The following VAV2 variants were observed in gnomAD, a reference collection of about 807,000 sequenced individuals.
VAV2 encodes guanine nucleotide exchange factor VAV2.
In VAV2, 67 loss-of-function variants were observed where a neutral mutation model predicts 132.5. The observed-to-expected ratio is 0.51, with a 90% CI of 0.42 to 0.62. VAV2 has a LOEUF of 0.62. Among genes scored for constraint, VAV2 ranks in the 20% least tolerant of loss-of-function variants. The pLI is 0.00. For missense variants in VAV2, 938 were observed against 1,153.6 expected (o/e 0.81, Z 2.71); for synonymous variants, 492 against 443.5 (o/e 1.11, Z -1.37).
intron 17 of VAV2, 79 bp from the exon 18 acceptor site, chr9:133,784,497 C>T: frequency 9.3e-6 from 14 of 1,501,636 alleles, no homozygotes; most frequent in Non-Finnish European, 1.2e-5. Context: ...TGGGAACCAG[C>T]TGGGCTCCGG....
chr9:133,788,340 C>T lies in VAV2; in HGVS notation c.1407+14G>A, dbSNP rs1367111340. 1 of 1,598,180 alleles carries T rather than the reference C, an allele frequency of 6.3e-7. No homozygotes were observed. Among genetic ancestry groups the T allele is most frequent in the Admixed American group, 1.7e-5 (1 of 59,778 alleles). On this transcript the variant is annotated intron_variant, in intron 15 of 29. Transcript: ENST00000371850. This position sits in a 1 kb window ranked among gnomAD's most constrained non-coding sequence, Gnocchi z 5.3. ...CACGTTCCTGGGTAGCAGGGGGGAC[C>T]CGGAAGGCCCCACCTTCTTGACGTC...
At chr9:133,790,759 G>A (rs540237203) in intron 13 of VAV2, among the ~76,000 whole-genome samples, 6 of 152,044 alleles carry the variant, frequency 3.9e-5, no homozygotes, top group East Asian at 1.9e-4. Flanking sequence ...CATCGCCGAC[G>A]TATCGCAGGT....
Position 133,961,380 on chromosome 9 carries a change from C to T in VAV2, c.205-22161G>A, listed in dbSNP as rs1841960443. On this transcript the variant is annotated intron_variant, in intron 1 of 29. Transcript: ENST00000371850. This position sits in a 1 kb window ranked among gnomAD's most constrained non-coding sequence, Gnocchi z 4.1. ...GGAATGAGCAACGTGCAGTTTTGCACCCAGAAACTGGTCAGGCTTCTGATG... is the reference window on the plus strand; with the variant it reads ...GGAATGAGCAACGTGCAGTTTTGCATCCAGAAACTGGTCAGGCTTCTGATG... 6.6e-6 allele frequency among the ~76,000 whole-genome samples: 1 copy of T among 152,192 alleles called. No individual in the cohort carries two copies. The highest frequency in any genetic ancestry group is 2.4e-5 in the African/African-American group (1 of 41,440).
chr9:133,974,539 C>T (rs1028167958), intron 1 of VAV2, among the ~76,000 whole-genome samples: 1 of 152,142 alleles, frequency 6.6e-6, no homozygotes, highest in Non-Finnish European at 1.5e-5. Flanking sequence ...CACATCCACC[C>T]GGGGGACGGG....
chr9:133,866,667 G>A (rs1318358911), intron 2 of VAV2, among the ~76,000 whole-genome samples: 2 of 152,100 alleles, frequency 1.3e-5, no homozygotes, highest in African/African-American at 2.4e-5. Context: ...TTAGCCGGGC[G>A]TGGTGGCACA....
At chr9:133,809,279 G>A (rs1835272772) in intron 6 of VAV2, 141 bp from the exon 7 acceptor site, 1 of 643,052 alleles carries the variant, frequency 1.6e-6, no homozygotes, top group Non-Finnish European at 2.7e-6. Context: ...GTGCAGTGCT[G>A]CAGCCAGATG....
chr9:133,818,253 C>G (rs1835645147), intron 4 of VAV2, among the ~76,000 whole-genome samples: 1 of 151,770 alleles, frequency 6.6e-6, no homozygotes, highest in South Asian at 2.1e-4. Flanking sequence ...GAAGTCCCAG[C>G]TACTCAAGAG....
In VAV2 at chr9:133,774,826, T is replaced by C. The variant is rs1005010972; in HGVS notation, c.2135+109A>G. 5 of 963,430 alleles carry C rather than the reference T, an allele frequency of 5.2e-6. No individual in the cohort carries two copies. In the East Asian group the frequency reaches 1.2e-4, roughly 23 times the overall value. 59.7% of individuals were successfully genotyped at this position (963,430 alleles called of 1,614,324 possible). ...AATAATGTCCTCACTTGGCAACAGA[T>C]GACATGTCCACCCCAACCCCACGAG... On this transcript the variant is annotated intron_variant, in intron 25 of 29. Coordinates refer to ENST00000371850, the MANE Select transcript of VAV2 (RefSeq NM_001134398.2).
chr9:133,841,035 T>C (rs1836701399), intron 3 of VAV2, among the ~76,000 whole-genome samples: 1 of 151,996 alleles, frequency 6.6e-6, no homozygotes, highest in Non-Finnish European at 1.5e-5. Context: ...GGCAGCCAGA[T>C]TTGGTTTTTA....
At chr9:133,843,571 C>T (rs964886464) in intron 3 of VAV2, among the ~76,000 whole-genome samples, 10 of 152,248 alleles carry the variant, frequency 6.6e-5, no homozygotes, top group African/African-American at 2.4e-4. Flanking sequence ...TAGCTACAGG[C>T]TTGCTAAGGG....
At chr9:133,943,988 A>G (rs907133264) in intron 1 of VAV2, among the ~76,000 whole-genome samples, 9 of 152,170 alleles carry the variant, frequency 5.9e-5, no homozygotes, top group Non-Finnish European at 1.3e-4. Context: ...CACAGACAGG[A>G]GAGGCGGCGC....
intron 3 of VAV2, among the ~76,000 whole-genome samples, chr9:133,854,255 G>A (rs1350870473): frequency 6.9e-6 from 1 of 145,918 alleles, no homozygotes; most frequent in Admixed American, 6.8e-5. Flanking sequence ...GCACTCATCT[G>A]CACACACACA....
At position 133,807,323 on chromosome 9, in the gene VAV2, AG is replaced by A; in HGVS notation, c.669del (p.Tyr224ThrfsTer2). 1 of 1,608,852 alleles carries A rather than the reference AG, an allele frequency of 6.2e-7. No individual in the cohort carries two copies. Among genetic ancestry groups the A allele is most frequent in the Non-Finnish European group, 8.5e-7 (1 of 1,178,214 alleles). The part of the protein sequence containing the change: ...YYRTLEDIEK[N>X]YMSPLRLVLS... ...AGCACCAGCCGCAGGGGGCTCATGT[AG>A]TTCTGGAAGAGAGAAGTCCACCTCT... On this transcript the variant is annotated frameshift_variant and splice_region_variant, in exon 8 of 30. Coordinates refer to ENST00000371850, the MANE Select transcript of VAV2 (RefSeq NM_001134398.2). LOFTEE classifies it high-confidence loss of function.
chr9:133,903,078 GAAA>G (rs61131449), intron 2 of VAV2, among the ~76,000 whole-genome samples: 15 of 105,348 alleles, frequency 1.4e-4, no homozygotes, highest in Non-Finnish European at 2.2e-4. Flanking sequence ...CCTGCCCCAG[GAAA>G]AAAAAAAAAA....
chr9:133,792,929 A>G lies in VAV2; in HGVS notation c.1102-1060T>C, dbSNP rs372473364. Among the ~76,000 whole-genome samples, 33 of 152,082 alleles carry G rather than the reference A, an allele frequency of 2.2e-4. No homozygotes were observed. The East Asian group carries it at 6.2e-3, about 29-fold the overall frequency. On this transcript the variant is annotated intron_variant, in intron 12 of 29. Coordinates refer to ENST00000371850, the MANE Select transcript of VAV2 (RefSeq NM_001134398.2). Reference sequence around the variant, plus strand: ...TACCCCATCACGTGGTCCCTCTTAAACATCCTAATAGAGGGAAGCAGCCCT... The same window carrying G: ...TACCCCATCACGTGGTCCCTCTTAAGCATCCTAATAGAGGGAAGCAGCCCT...
At chr9:133,812,297 G>A (rs560200611) in intron 4 of VAV2, 81 bp from the exon 5 acceptor site, 24 of 1,406,080 alleles carry the variant, frequency 1.7e-5, no homozygotes, top group African/African-American at 7.1e-5. Context: ...GAGGGTCCAC[G>A]AGGGACGCAG....
At chr9:133,974,168 ACTGCCTGTGTGGTAT>A (rs1842431054) in intron 1 of VAV2, among the ~76,000 whole-genome samples, 1 of 150,858 alleles carries the variant, frequency 6.6e-6, no homozygotes, top group East Asian at 2.0e-4. Flanking sequence ...CTCCCTCCAC[ACTGCCTGTGTGGTAT>A]CTGCCTGTGT....
intron 1 of VAV2, among the ~76,000 whole-genome samples, chr9:133,986,641 T>C (rs420897): frequency 0.36 from 55,452 of 152,068 alleles, 10,600 homozygotes; most frequent in Middle Eastern, 0.44. Flanking sequence ...GTTACCTGTG[T>C]TGTACTCATA....
At chr9:133,774,522 C>A (rs183892957) in intron 25 of VAV2, among the ~76,000 whole-genome samples, 2 of 152,344 alleles carry the variant, frequency 1.3e-5, no homozygotes, top group East Asian at 3.9e-4. Flanking sequence ...GCAGTAGTCA[C>A]AGGAGACACC....
Sources: gnomAD v4.1 joint callset for allele counts (sites outside exome capture counted in the v4.1 genomes callset) on GRCh38, gnomAD v4.1.1 for gene constraint, Gnocchi (gnomAD v3.1) non-coding constraint, MANE v1.5 for transcripts, NCBI Gene and HGNC (gene_info 2026-07-23, HGNC 2026-07-21) for gene names.